AUTS2: variants seen among roughly 807,000 people sequenced by gnomAD.
The protein encoded by AUTS2 is autism susceptibility gene 2 protein.
A neutral mutation model predicts 112.4 loss-of-function variants in AUTS2; 17 were observed. The ratio of observed to expected loss-of-function variants is 0.15; its 90% confidence interval spans 0.10 to 0.23. The LOEUF is 0.23. Ranked by LOEUF, AUTS2 falls within the 10% of genes least tolerant of loss-of-function variation. The pLI, the probability that AUTS2 is intolerant of heterozygous loss-of-function variation, is 1.00. For missense variants in AUTS2, 1,510 were observed against 1,701.6 expected, an observed-to-expected ratio of 0.89 and a Z score of 1.98; for synonymous variants, 751 against 702.7, an observed-to-expected ratio of 1.07 and a Z score of -1.09.
intron 2 of AUTS2, among the ~76,000 whole-genome samples, chr7:70,082,930 A>G (rs34519726): frequency 0.26 from 38,776 of 152,020 alleles, 4,926 homozygotes; most frequent in Middle Eastern, 0.33. Flanking sequence ...TTCAGTACCT[A>G]CTGTGTGACT....
At chr7:70,116,148 G>A (rs180740516) in intron 2 of AUTS2, among the ~76,000 whole-genome samples, 202 of 152,268 alleles carry the variant, frequency 1.3e-3, no homozygotes, top group Non-Finnish European at 2.4e-3. Flanking sequence ...TTAGAATGAG[G>A]AGCTTTAGCG....
intron 5 of AUTS2, among the ~76,000 whole-genome samples, chr7:70,635,041 G>A (rs1043984007): frequency 6.6e-6 from 1 of 152,162 alleles, no homozygotes; most frequent in Non-Finnish European, 1.5e-5. Flanking sequence ...GACGTCTGCT[G>A]TGTCATCCAC....
intron 4 of AUTS2, among the ~76,000 whole-genome samples, chr7:70,364,773 C>T (rs897804943): frequency 6.6e-6 from 1 of 152,102 alleles, no homozygotes; most frequent in Non-Finnish European, 1.5e-5. Context: ...TTAACTCTCT[C>T]TGGTCATGGG....
chr7:69,947,866 T>A (rs1796876537), intron 2 of AUTS2, among the ~76,000 whole-genome samples: 1 of 152,190 alleles, frequency 6.6e-6, no homozygotes, highest in Non-Finnish European at 1.5e-5. Flanking sequence ...TATTCCCTTC[T>A]TATAGGTTAG....
At chr7:70,513,998 A>G (rs1799311919) in intron 5 of AUTS2, among the ~76,000 whole-genome samples, 1 of 152,116 alleles carries the variant, frequency 6.6e-6, no homozygotes, top group African/African-American at 2.4e-5. Context: ...TTAAATGAGC[A>G]CTGTATAGAT....
intron 4 of AUTS2, among the ~76,000 whole-genome samples, chr7:70,171,234 C>T (rs1808669384): frequency 6.6e-6 from 1 of 152,154 alleles, no homozygotes; most frequent in African/African-American, 2.4e-5. Flanking sequence ...GCCATTTTCC[C>T]AAACTCACAG....
intron 2 of AUTS2, among the ~76,000 whole-genome samples, chr7:70,029,716 G>A (rs981118287): frequency 1.3e-5 from 2 of 152,176 alleles, no homozygotes; most frequent in African/African-American, 4.8e-5. Flanking sequence ...ACAACTAGTT[G>A]TGAATCTGAA....
intron 2 of AUTS2, among the ~76,000 whole-genome samples, chr7:69,958,662 A>G (rs1358106002): frequency 6.6e-6 from 1 of 152,164 alleles, no homozygotes; most frequent in Non-Finnish European, 1.5e-5. Context: ...TGCAACTACA[A>G]GATGGCACTG....
Position 70,499,167 on chromosome 7 carries a change from A to G in AUTS2, c.690+63386A>G, listed in dbSNP as rs1431274634. On this transcript the variant is annotated intron_variant, in intron 5 of 18. Coordinates refer to ENST00000342771, the MANE Select transcript of AUTS2 (RefSeq NM_015570.4). ...CAGTCTCACGGAAGGTGAATGCACA[A>G]CTGTGGTTCAGTGTGATGCATGTGT... Among the ~76,000 whole-genome samples, 8 of 152,316 alleles carry G rather than the reference A, an allele frequency of 5.3e-5. No individual in the cohort carries two copies. In the East Asian group the frequency reaches 1.5e-3, roughly 29 times the overall value.
At chr7:70,154,976 A>G (rs1807663901) in intron 4 of AUTS2, among the ~76,000 whole-genome samples, 1 of 152,146 alleles carries the variant, frequency 6.6e-6, no homozygotes. Flanking sequence ...GACCTGCTTT[A>G]CAGGTTTGGT....
intron 5 of AUTS2, among the ~76,000 whole-genome samples, chr7:70,654,877 C>G (rs1403678270): frequency 6.6e-6 from 1 of 152,186 alleles, no homozygotes; most frequent in Admixed American, 6.5e-5. Context: ...CTTTAAAAAT[C>G]CTCACTTCTC....
intron 2 of AUTS2, among the ~76,000 whole-genome samples, chr7:70,076,234 AAAAGCATCGCATT>A (rs946333744): frequency 5.3e-4 from 80 of 152,342 alleles, no homozygotes; most frequent in African/African-American, 1.5e-3. Flanking sequence ...TGGCATAAAA[AAAAGCATCGCATT>A]AAAATCTTCA....
chr7:70,789,071 T>C (rs1563201567), intron 18 of AUTS2, among the ~76,000 whole-genome samples: 2 of 152,206 alleles, frequency 1.3e-5, no homozygotes, highest in Admixed American at 6.5e-5. Context: ...CTGCCTTCCC[T>C]CCGTCTTCTC....
At chr7:70,013,781 G>A (rs1158896107) in intron 2 of AUTS2, among the ~76,000 whole-genome samples, 5 of 152,078 alleles carry the variant, frequency 3.3e-5, no homozygotes, top group East Asian at 1.9e-4. Context: ...GCAGTGGCGC[G>A]AACTCGGCTC....
chr7:70,763,450 C>T, intron 7 of AUTS2, 109 bp downstream of exon 7: 1 of 770,878 alleles, frequency 1.3e-6, no homozygotes, highest in Non-Finnish European at 2.1e-6. Flanking sequence ...TTGTTGGAAA[C>T]ATCATCCTTT....
chr7:70,416,718 C>T (rs934069676), intron 4 of AUTS2, among the ~76,000 whole-genome samples: 2 of 152,202 alleles, frequency 1.3e-5, no homozygotes, highest in African/African-American at 2.4e-5. Context: ...GCCCTGCCGA[C>T]GCAGCGCCTG....
chr7:69,909,664 C>T (rs964183256), intron 2 of AUTS2, among the ~76,000 whole-genome samples: 3 of 152,004 alleles, frequency 2.0e-5, no homozygotes. Context: ...GATTTTGATT[C>T]CACAAATTCA....
intron 4 of AUTS2, among the ~76,000 whole-genome samples, chr7:70,318,846 G>C (rs1790121166): frequency 1.3e-5 from 2 of 152,208 alleles, no homozygotes; most frequent in Admixed American, 1.3e-4. Flanking sequence ...CAGCAGAACT[G>C]CTGCATTAGG....
At chr7:70,152,758 A>T (rs539965869) in intron 4 of AUTS2, among the ~76,000 whole-genome samples, 23 of 152,316 alleles carry the variant, frequency 1.5e-4, no homozygotes, top group African/African-American at 4.8e-4. Flanking sequence ...AAGATGCTTT[A>T]CATCTTTAAT....
Sources: allele counts gnomAD v4.1 joint callset (sites outside exome capture counted in the v4.1 genomes callset), GRCh38; gene constraint gnomAD v4.1.1; transcripts MANE v1.5; gene names NCBI Gene and HGNC (gene_info 2026-07-23, HGNC 2026-07-21).